The following CMAS variants were observed in gnomAD, a reference collection of about 807,000 sequenced individuals.
CMAS encodes cytidine monophosphate N-acetylneuraminic acid synthetase, also known as N-acylneuraminate cytidylyltransferase.
CMAS carries 21 observed loss-of-function variants against 53.4 expected under a neutral mutation model. That is an observed-to-expected ratio of 0.39 (90% CI 0.28 to 0.57). CMAS has a LOEUF of 0.57. Among genes scored for constraint, CMAS ranks in the 20% least tolerant of loss-of-function variants. The pLI is 0.56. For synonymous variants in CMAS, 189 were observed against 195.2 expected (o/e 0.97, Z 0.27); for missense variants, 384 against 534.9 (o/e 0.72, Z 2.78).
At chr12:22,061,041 T>G in intron 5 of CMAS, 115 bp downstream of exon 5, 1 of 748,660 alleles carries the variant, frequency 1.3e-6, no homozygotes, top group South Asian at 1.7e-5. Flanking sequence ...TTTGTTCATG[T>G]GAGGAAGACA....
chr12:22,063,741 A>G (rs920823889), intron 7 of CMAS: 2 of 151,850 alleles, frequency 1.3e-5, no homozygotes, highest in African/African-American at 4.8e-5. Context: ...AAAAACACAC[A>G]CACACACACT....
chr12:22,064,018 T>C (rs542172158), intron 7 of CMAS: 1 of 152,106 alleles, frequency 6.6e-6, no homozygotes, highest in Non-Finnish European at 1.5e-5. Flanking sequence ...AAATCAATAC[T>C]TTTATAAGTA....
Position 22,061,273 on chromosome 12 carries a change from T to C in CMAS, c.789-8T>C. 1 of 1,607,852 alleles carries C rather than the reference T, an allele frequency of 6.2e-7. No individual in the cohort carries two copies. The highest frequency in any genetic ancestry group is 8.5e-7 in the Non-Finnish European group (1 of 1,176,604). ...TTGTACTCAAAGGTCTATTTTGGTT[T>C]CTTTTAGATATGGCTATTTTGGCAA... On this transcript the variant is annotated splice_region_variant and splice_polypyrimidine_tract_variant and intron_variant, in intron 5 of 7. Coordinates refer to ENST00000229329, the MANE Select transcript of CMAS (RefSeq NM_018686.6).
At chr12:22,058,734 C>G in intron 4 of CMAS, 34 bp downstream of exon 4, 1 of 1,601,202 alleles carries the variant, frequency 6.2e-7, no homozygotes, top group Non-Finnish European at 8.5e-7. Context: ...CCCTTTTAAG[C>G]GCTTTTGTAG....
Position 22,061,449 on chromosome 12 carries a change from T to G in CMAS, c.957T>G (p.Ile319Met). ...TAAGTTTATTAAAGAAAAGTGGTAT[T>G]GAGGTATGTGCTCCCTGAATATAGC... ...IGISLLKKSG[I>M]EVRLISERAC... Residue 319 changes from isoleucine to methionine, a missense_variant, in exon 6 of 8, where the codon ATT becomes ATG. Around this residue, in one of 3 missense-constraint regions of CMAS, gnomAD observed 134 missense variants for 154.6 expected, o/e 0.87. Coordinates refer to ENST00000229329, the MANE Select transcript of CMAS (RefSeq NM_018686.6). 1 of 1,570,576 alleles carries G rather than the reference T, an allele frequency of 6.4e-7. No individual in the cohort carries two copies. Among genetic ancestry groups the G allele is most frequent in the South Asian group, 1.1e-5 (1 of 88,006 alleles).
chr12:22,046,644 C>A, intron 1 of CMAS, 81 bp downstream of exon 1: 2 of 1,373,578 alleles, frequency 1.5e-6, no homozygotes, highest in South Asian at 3.1e-5. Flanking sequence ...GCTGGGGCCT[C>A]CGGGGCCACC....
chr12:22,060,389 C>T (rs1341911729), intron 4 of CMAS, among the ~76,000 whole-genome samples: 1 of 135,062 alleles, frequency 7.4e-6, no homozygotes, highest in East Asian at 2.7e-4. Flanking sequence ...AGCATGTCAT[C>T]CCAGCACTTT....
intron 7 of CMAS, among the ~76,000 whole-genome samples, chr12:22,063,270 T>C (rs1000063281): frequency 2.6e-5 from 4 of 152,152 alleles, no homozygotes; most frequent in Non-Finnish European, 5.9e-5. Flanking sequence ...AGGAAAAACT[T>C]TGGGAGCATG....
chr12:22,046,549 A>G lies in CMAS; in HGVS notation c.246A>G (p.Ser82=). Residue 82 remains serine, a synonymous_variant, in exon 1 of 8, where the codon TCA becomes TCG. Coordinates refer to ENST00000229329, the MANE Select transcript of CMAS (RefSeq NM_018686.6). ...GGGTCCTGCGTGCGGCCCTGGATTCAGGGGCCTTCCAGAGGTGCGCATGTG... is the reference window on the plus strand; with the variant it reads ...GGGTCCTGCGTGCGGCCCTGGATTCGGGGGCCTTCCAGAGGTGCGCATGTG... ...IGWVLRAALD[S]GAFQSVWVST... 6.3e-7 allele frequency: 1 copy of G among 1,592,462 alleles called. No homozygotes were observed. Among genetic ancestry groups the G allele is most frequent in the Non-Finnish European group, 8.5e-7 (1 of 1,170,918 alleles).
At chr12:22,054,420 G>C (rs554627735) in intron 1 of CMAS, among the ~76,000 whole-genome samples, 53 of 152,118 alleles carry the variant, frequency 3.5e-4, no homozygotes, top group Non-Finnish European at 6.3e-4. Flanking sequence ...AAATTCTTTT[G>C]AGCTAATGAA....
At chr12:22,053,769 C>T (rs1272916604) in intron 1 of CMAS, among the ~76,000 whole-genome samples, 1 of 148,676 alleles carries the variant, frequency 6.7e-6, no homozygotes, top group Non-Finnish European at 1.5e-5. Context: ...GTCCCAGCTA[C>T]TTGGGAGGCT....
intron 4 of CMAS, 78 bp from the exon 5 acceptor site, chr12:22,060,754 G>T (rs1565531582): frequency 7.4e-6 from 6 of 807,936 alleles, no homozygotes; most frequent in Non-Finnish European, 1.3e-5. Flanking sequence ...TGAATTCATT[G>T]TTCTGTATTA....
intron 7 of CMAS, chr12:22,063,656 T>G (rs1171193840): frequency 6.6e-6 from 1 of 150,964 alleles, no homozygotes; most frequent in Non-Finnish European, 1.5e-5. Context: ...ATTAGGATGA[T>G]TGTGACTTTT....
At chr12:22,062,662 C>A (rs1261355040) in intron 7 of CMAS, among the ~76,000 whole-genome samples, 1 of 152,136 alleles carries the variant, frequency 6.6e-6, no homozygotes, top group African/African-American at 2.4e-5. Flanking sequence ...GCTGTGAAGT[C>A]AGACTGTACC....
chr12:22,062,360 T>TATC lies in CMAS; in HGVS notation c.1042_1044dup (p.Ser348dup), dbSNP rs767290893. 3.1e-6 allele frequency: 5 copies of TATC among 1,613,672 alleles called. No homozygotes were observed. Among genetic ancestry groups the TATC allele is most frequent in the East Asian group, 2.2e-5 (1 of 44,842 alleles). ...CTGGATTGCAAAATGGAAGTCAGTG[T>TATC]ATCAGACAAGCTAGCAGTTGTAGAT... On this transcript the variant is annotated inframe_insertion, in exon 7 of 8. Coordinates refer to ENST00000229329, the MANE Select transcript of CMAS (RefSeq NM_018686.6).
intron 1 of CMAS, among the ~76,000 whole-genome samples, chr12:22,047,125 C>G (rs909489431): frequency 2.0e-5 from 3 of 152,156 alleles, no homozygotes; most frequent in African/African-American, 7.2e-5. Flanking sequence ...TCAGCACAAT[C>G]TAGAAAACTC....
intron 3 of CMAS, among the ~76,000 whole-genome samples, chr12:22,057,695 A>G (rs1430969300): frequency 1.3e-5 from 2 of 152,178 alleles, no homozygotes; most frequent in African/African-American, 4.8e-5. Context: ...ATGTCCTCCC[A>G]AAGCATAATA....
At position 22,046,331 on chromosome 12, in the gene CMAS, A is replaced by T. The variant is rs977836280; in HGVS notation, c.28A>T (p.Thr10Ser). Reference protein sequence around the residue: MDSVEKGAATSVSNPRGRPS... With the variant: MDSVEKGAASSVSNPRGRPS... ...GGACTCGGTGGAGAAGGGGGCCGCC[A>T]CCTCCGTCTCCAACCCGCGGGGGCG... The change falls in exon 1 of 8, where the codon ACC becomes TCC. Residue 10 changes from threonine to serine, a missense_variant. Thr to Ser is a moderately conservative substitution (Grantham distance 58). Transcript: ENST00000229329. The T allele has an allele frequency of 1.5e-5, 22 of 1,496,046 alleles. No homozygotes were observed. The highest frequency in any genetic ancestry group is 2.0e-5 in the Non-Finnish European group (22 of 1,122,420). 92.7% of individuals were successfully genotyped at this position (1,496,046 alleles called of 1,614,324 possible).
intron 5 of CMAS, 75 bp downstream of exon 5, chr12:22,061,001 C>A: frequency 1.1e-6 from 1 of 913,338 alleles, no homozygotes; most frequent in Non-Finnish European, 1.8e-6. Context: ...ATTTCTGATA[C>A]TTCAGACATC....
Sources: allele counts gnomAD v4.1 joint callset (sites outside exome capture counted in the v4.1 genomes callset), GRCh38; gene constraint gnomAD v4.1.1; regional missense constraint gnomAD v4.1.1; transcripts MANE v1.5; gene names NCBI Gene and HGNC (gene_info 2026-07-23, HGNC 2026-07-21).